Variants in THADA observed in about 807,000 individuals in gnomAD.
THADA encodes the protein THADA armadillo repeat containing.
A neutral mutation model predicts 219.8 loss-of-function variants in THADA; 213 were observed. That is an observed-to-expected ratio of 0.97 (90% CI 0.87 to 1.09). The LOEUF (loss-of-function observed/expected upper bound fraction) is 1.09, where lower values mean the gene tolerates loss of function less well. Ranked by LOEUF, THADA falls within the 50% of genes least tolerant of loss-of-function variation. The pLI, the probability that THADA is intolerant of heterozygous loss-of-function variation, is 0.00. For missense variants in THADA, 2,956 were observed against 2,311.3 expected, an observed-to-expected ratio of 1.28 and a Z score of -5.72; for synonymous variants, 1,018 against 828.9, an observed-to-expected ratio of 1.23 and a Z score of -3.92.
intron 14 of THADA, among the ~76,000 whole-genome samples, chr2:43,568,330 C>T (rs1437681994): frequency 6.6e-6 from 1 of 152,176 alleles, no homozygotes; most frequent in Non-Finnish European, 1.5e-5. Flanking sequence ...TAATAGCCTC[C>T]TCTTCTCCCC....
chr2:43,530,489 T>C (rs1693725246), intron 21 of THADA, among the ~76,000 whole-genome samples: 1 of 152,216 alleles, frequency 6.6e-6, no homozygotes, highest in South Asian at 2.1e-4. Context: ...CCAGTTAGCT[T>C]ATTTGTAATG....
chr2:43,571,226 A>G (rs185935868), intron 13 of THADA, among the ~76,000 whole-genome samples: 2 of 151,304 alleles, frequency 1.3e-5, no homozygotes, highest in East Asian at 1.9e-4. Context: ...ACTGCACTCC[A>G]GCCTGGCTGA....
In THADA at chr2:43,586,396, C is replaced by T; in HGVS notation, c.533+5G>A. 1 of 1,582,326 alleles carries T rather than the reference C, an allele frequency of 6.3e-7. No homozygotes were observed. Among genetic ancestry groups the T allele is most frequent in the Non-Finnish European group, 8.6e-7 (1 of 1,165,076 alleles). On this transcript the variant is annotated splice_donor_5th_base_variant and intron_variant, in intron 7 of 37. Coordinates refer to ENST00000405975, the MANE Select transcript of THADA (RefSeq NM_022065.5). ...CACACACAAATGCCAACATATAGCA[C>T]TTGCCTATTTTCTTCCAGGATTTCA... is the stretch of plus-strand genomic sequence containing the variant.
chr2:43,511,818 T>A (rs1360814912), intron 22 of THADA, among the ~76,000 whole-genome samples: 2 of 152,160 alleles, frequency 1.3e-5, no homozygotes, highest in Non-Finnish European at 2.9e-5. Context: ...TAGGCGTACA[T>A]GGGATCAGTA....
At chr2:43,406,244 C>T (rs529573098) in intron 28 of THADA, among the ~76,000 whole-genome samples, 8 of 152,284 alleles carry the variant, frequency 5.3e-5, no homozygotes, top group African/African-American at 1.9e-4. Flanking sequence ...AGGAGATTTT[C>T]CAACAGGGAG....
intron 30 of THADA, among the ~76,000 whole-genome samples, chr2:43,338,174 T>G (rs1432224280): frequency 1.4e-5 from 2 of 148,104 alleles, no homozygotes; most frequent in East Asian, 1.9e-4. Context: ...TTTTTTTTTT[T>G]GAGACAGAGT....
Position 43,513,424 on chromosome 2 carries a change from A to C in THADA, c.3375-4644T>G, listed in dbSNP as rs542979205. 3.1e-3 allele frequency among the ~76,000 whole-genome samples: 465 copies of C among 152,346 alleles called. 3 individuals are homozygous for C. The highest frequency in any genetic ancestry group is 4.5e-3 in the Non-Finnish European group (307 of 68,024). The stretch of plus-strand genomic sequence containing the variant: ...GTGAGTGTGCTGATACCAGAGACCC[A>C]AGAGTTACAGATTTAGAAGCAGTAG... On this transcript the variant is annotated intron_variant, in intron 22 of 37. Coordinates refer to ENST00000405975, the MANE Select transcript of THADA (RefSeq NM_022065.5).
intron 34 of THADA, among the ~76,000 whole-genome samples, chr2:43,287,397 T>C (rs559081858): frequency 1.2e-4 from 18 of 152,232 alleles, no homozygotes; most frequent in Non-Finnish European, 2.5e-4. Context: ...TGGGTTAAAG[T>C]GATTCTCTTG....
In THADA at chr2:43,377,892, C is replaced by G. The variant is rs139870123; in HGVS notation, c.4227+20079G>C. 5.0e-3 allele frequency among the ~76,000 whole-genome samples: 761 copies of G among 152,174 alleles called. 2 individuals carry two copies. Among genetic ancestry groups the G allele is most frequent in the Middle Eastern group, 0.017 (5 of 294 alleles). On this transcript the variant is annotated intron_variant, in intron 29 of 37. Coordinates refer to ENST00000405975, the MANE Select transcript of THADA (RefSeq NM_022065.5). ...AACCCTTGGGAAAGGCACCAGACAC[C>G]GCAAAAGGCAGAATTCACATTCCAG...
At chr2:43,572,782 A>G (rs377273153) in intron 12 of THADA, 32 bp downstream of exon 12, 4 of 1,602,528 alleles carry the variant, frequency 2.5e-6, no homozygotes, top group Non-Finnish European at 3.4e-6. Context: ...GATCTACTGC[A>G]TGTACAAATC....
At chr2:43,500,791 G>T (rs1349165922) in intron 24 of THADA, among the ~76,000 whole-genome samples, 1 of 152,056 alleles carries the variant, frequency 6.6e-6, no homozygotes, top group Non-Finnish European at 1.5e-5. Context: ...AGCATTATTT[G>T]TCAAAGGTAT....
chr2:43,289,326 A>C (rs1674417116), intron 34 of THADA, among the ~76,000 whole-genome samples: 1 of 152,234 alleles, frequency 6.6e-6, no homozygotes, highest in African/African-American at 2.4e-5. Flanking sequence ...GAACCTCTTT[A>C]AATGTTCAAA....
At chr2:43,377,885 C>T (rs923715037) in intron 29 of THADA, among the ~76,000 whole-genome samples, 1 of 152,108 alleles carries the variant, frequency 6.6e-6, no homozygotes, top group African/African-American at 2.4e-5. Flanking sequence ...GGAAAGGCAC[C>T]AGACACCGCA....
intron 14 of THADA, among the ~76,000 whole-genome samples, chr2:43,568,087 G>A (rs1022638937): frequency 3.9e-5 from 6 of 152,120 alleles, no homozygotes; most frequent in African/African-American, 1.4e-4. Flanking sequence ...TTGGAGTTCT[G>A]ACTCTACCAC....
At chr2:43,398,310 C>T (rs1356955542) in intron 28 of THADA, among the ~76,000 whole-genome samples, 171 bp from the exon 29 acceptor site, 2 of 152,152 alleles carry the variant, frequency 1.3e-5, no homozygotes, top group Non-Finnish European at 2.9e-5. Context: ...CTACAGGTGA[C>T]TTTGCTTTGG....
At chr2:43,540,265 G>A (rs769471659) in intron 21 of THADA, among the ~76,000 whole-genome samples, 19 of 152,174 alleles carry the variant, frequency 1.2e-4, no homozygotes, top group African/African-American at 4.3e-4. Context: ...TGTCCTGTGC[G>A]CCTTTGCCTT....
intron 21 of THADA, among the ~76,000 whole-genome samples, chr2:43,532,494 CA>C (rs928331420): frequency 2.0e-5 from 3 of 149,408 alleles, no homozygotes; most frequent in African/African-American, 7.4e-5. Flanking sequence ...GAACCAATGA[CA>C]AAAACCACAT....
Position 43,430,244 on chromosome 2 carries a change from G to T in THADA, c.3895C>A (p.Gln1299Lys). 1 of 1,551,546 alleles carries T rather than the reference G, an allele frequency of 6.4e-7. No homozygotes were observed. The highest frequency in any genetic ancestry group is 1.2e-5 in the South Asian group (1 of 82,526). Residue 1299 changes from glutamine to lysine, a missense_variant, in exon 27 of 38, where the codon CAG becomes AAG. Physicochemically the swap from Gln to Lys is moderately conservative, Grantham distance 53 (BLOSUM62 1). Transcript: ENST00000405975. ...ACTGTATTGGCTACAGTTTCCAACT[G>T]TTTGAGAAGAAAAGGATAGAGTTCT... is the stretch of plus-strand genomic sequence containing the variant. Reference protein sequence around the residue: ...FPELYPFLLKQLETVANTVDS... With the variant: ...FPELYPFLLKKLETVANTVDS...
intron 26 of THADA, among the ~76,000 whole-genome samples, chr2:43,444,863 C>T (rs1681318465): frequency 6.6e-6 from 1 of 152,058 alleles, no homozygotes; most frequent in South Asian, 2.1e-4. Context: ...GCAAGCAAAG[C>T]CACCATGTAG....
Sources: gnomAD v4.1 joint callset for allele counts (sites outside exome capture counted in the v4.1 genomes callset) on GRCh38, gnomAD v4.1.1 for gene constraint, MANE v1.5 for transcripts, NCBI Gene and HGNC (gene_info 2026-07-23, HGNC 2026-07-21) for gene names.